RPTOR: variants seen among roughly 807,000 people sequenced by gnomAD.
RPTOR encodes the protein regulatory-associated protein of mTOR.
In RPTOR, 21 loss-of-function variants were observed where a neutral mutation model predicts 169.9. That is an observed-to-expected ratio of 0.12 (90% CI 0.09 to 0.18). RPTOR has a LOEUF of 0.18. RPTOR is among the 10% of genes least tolerant of loss of function. The pLI, the probability that RPTOR is intolerant of heterozygous loss-of-function variation, is 1.00. For synonymous variants in RPTOR, 732 were observed against 753.2 expected (o/e 0.97, Z 0.46); for missense variants, 1,133 against 1,855.9 (o/e 0.61, Z 7.16).
At chr17:80,872,357 C>G (rs1044782272) in intron 13 of RPTOR, among the ~76,000 whole-genome samples, 1 of 152,152 alleles carries the variant, frequency 6.6e-6, no homozygotes, top group African/African-American at 2.4e-5. Flanking sequence ...CGGGCAGATT[C>G]CAACACACCC....
chr17:80,741,437 G>T (rs924180694), intron 5 of RPTOR, among the ~76,000 whole-genome samples: 1 of 152,164 alleles, frequency 6.6e-6, no homozygotes, highest in African/African-American at 2.4e-5. Context: ...AGAGTGATTC[G>T]CTCTGGATCA....
At chr17:80,858,771 G>A (rs562042748) in intron 13 of RPTOR, among the ~76,000 whole-genome samples, 1 of 152,320 alleles carries the variant, frequency 6.6e-6, no homozygotes, top group East Asian at 1.9e-4. Context: ...AAGACATTTA[G>A]AGGAGGGCAG....
chr17:80,618,568 C>T (rs984812802), intron 1 of RPTOR, among the ~76,000 whole-genome samples: 2 of 152,030 alleles, frequency 1.3e-5, no homozygotes, highest in Non-Finnish European at 2.9e-5. Flanking sequence ...TCCCTGAGGC[C>T]GAAATTTTCC....
chr17:80,583,028 A>T (rs1381453802), intron 1 of RPTOR, among the ~76,000 whole-genome samples: 2 of 143,048 alleles, frequency 1.4e-5, no homozygotes. Flanking sequence ...CAATCCTCTC[A>T]CTTCAGCCTC....
intron 13 of RPTOR, among the ~76,000 whole-genome samples, chr17:80,876,113 G>T (rs1332283612): frequency 7.5e-6 from 1 of 133,712 alleles, no homozygotes; most frequent in Non-Finnish European, 1.6e-5. Flanking sequence ...CTTCCACCGA[G>T]CCCGTGCTGC....
Position 80,562,055 on chromosome 17 carries a change from GGAGTCTCTTGAGGGTAGGA to G in RPTOR, c.162+16266_162+16284del, listed in dbSNP as rs372837364. Among the ~76,000 whole-genome samples, 97 of 152,210 alleles carry G rather than the reference GGAGTCTCTTGAGGGTAGGA, an allele frequency of 6.4e-4. No homozygotes were observed. Among genetic ancestry groups the G allele is most frequent in the African/African-American group, 2.3e-3 (94 of 41,540 alleles). ...TAGGGAGGAGCATGGTGTGGGGTGG[GGAGTCTCTTGAGGGTAGGA>G]GGAGATGAGGGTCTGGTGGCGGCTT... On this transcript the variant is annotated intron_variant, in intron 1 of 33. Coordinates refer to ENST00000306801, the MANE Select transcript of RPTOR (RefSeq NM_020761.3). This position sits in a 1 kb window ranked among gnomAD's most constrained non-coding sequence, Gnocchi z 4.4.
intron 7 of RPTOR, among the ~76,000 whole-genome samples, chr17:80,792,550 G>T (rs548375381): frequency 6.6e-6 from 1 of 152,328 alleles, no homozygotes. Context: ...TAAGTGAGCA[G>T]TCCTCAGCAT....
intron 8 of RPTOR, 83 bp downstream of exon 8, chr17:80,822,384 G>A: frequency 7.4e-7 from 1 of 1,351,768 alleles, no homozygotes; most frequent in South Asian, 1.2e-5. Flanking sequence ...AGAGGAGTCA[G>A]ATAGGATCCG....
chr17:80,817,667 G>A (rs1337406041), intron 7 of RPTOR, among the ~76,000 whole-genome samples: 1 of 152,152 alleles, frequency 6.6e-6, no homozygotes, highest in Non-Finnish European at 1.5e-5. Context: ...GCACCCTTGG[G>A]AGAGTGACTG....
intron 11 of RPTOR, among the ~76,000 whole-genome samples, chr17:80,849,952 G>A (rs1259055356): frequency 6.6e-6 from 1 of 152,246 alleles, no homozygotes. Context: ...CCAGGCAGGG[G>A]AACGAAGAGC....
In RPTOR at chr17:80,823,103, A is replaced by G; in HGVS notation, c.1016A>G (p.Gln339Arg). ...PRDLFQKLFR[Q>R]DLLVASLFRN... is the part of the protein sequence containing the mutation. ...GATCTCTTCCAAAAGCTCTTCAGAC[A>G]GGACTTGCTGGTGGCTAGTCTGTTT... Residue 339 changes from glutamine (Q) to arginine (R), a missense_variant, in exon 9 of 34, where the codon CAG becomes CGG. Around this residue, in one of 9 missense-constraint regions of RPTOR, gnomAD observed 289 missense variants for 585.8 expected, o/e 0.49. Coordinates refer to ENST00000306801, the MANE Select transcript of RPTOR (RefSeq NM_020761.3). This position sits in a 1 kb window ranked among gnomAD's most constrained non-coding sequence, Gnocchi z 4.5. 6.2e-7 allele frequency: 1 copy of G among 1,614,214 alleles called. No homozygotes were observed.
At chr17:80,697,177 C>T (rs892890278) in intron 3 of RPTOR, among the ~76,000 whole-genome samples, 4 of 151,264 alleles carry the variant, frequency 2.6e-5, no homozygotes, top group East Asian at 2.0e-4. Flanking sequence ...GACATGGGGG[C>T]GGTCCCCCCA....
At chr17:80,758,092 A>T (rs893502265) in intron 6 of RPTOR, among the ~76,000 whole-genome samples, 1 of 152,198 alleles carries the variant, frequency 6.6e-6, no homozygotes, top group African/African-American at 2.4e-5. Context: ...TAAGAAGCAT[A>T]TTGCCCTCAA....
chr17:80,616,414 T>C (rs2065310663), intron 1 of RPTOR, among the ~76,000 whole-genome samples: 1 of 148,090 alleles, frequency 6.8e-6, no homozygotes, highest in South Asian at 2.1e-4. Flanking sequence ...CAATTCTGCC[T>C]CAGTCTCCCG....
chr17:80,901,835 C>T (rs2068480200), intron 20 of RPTOR, among the ~76,000 whole-genome samples: 1 of 151,854 alleles, frequency 6.6e-6, no homozygotes, highest in African/African-American at 2.4e-5. Flanking sequence ...CCCTGCTCTG[C>T]CTTCCCCAGA....
Position 80,609,142 on chromosome 17 carries a change from C to T in RPTOR, c.163-16549C>T, listed in dbSNP as rs545341546. 1.1e-4 allele frequency among the ~76,000 whole-genome samples: 16 copies of T among 152,262 alleles called. No individual in the cohort carries two copies. Among genetic ancestry groups the T allele is most frequent in the African/African-American group, 2.9e-4 (12 of 41,566 alleles). ...ACCCGTGTGGAGAGGGCATCACTAG[C>T]CTGCCTCGGGCTGCAGGGGGCGGGG... is the stretch of plus-strand genomic sequence containing the variant. On this transcript the variant is annotated intron_variant, in intron 1 of 33. Transcript: ENST00000306801. This position sits in a 1 kb window ranked among gnomAD's most constrained non-coding sequence, Gnocchi z 4.8.
chr17:80,872,139 A>G lies in RPTOR; in HGVS notation c.1510-8276A>G, dbSNP rs564982998. Among the ~76,000 whole-genome samples, 3 of 152,368 alleles carry G rather than the reference A, an allele frequency of 2.0e-5. No individual in the cohort carries two copies. In the East Asian group the frequency reaches 5.8e-4, roughly 29 times the overall value. On this transcript the variant is annotated intron_variant, in intron 13 of 33. Transcript: ENST00000306801. ...CGTTTGTGAAGCTGGCGTCTTCCAC[A>G]GAAGCTGTCATCAGCGAGGAGGGGC...
chr17:80,884,136 C>A (rs535999041), intron 16 of RPTOR, among the ~76,000 whole-genome samples, 164 bp downstream of exon 16: 1 of 152,340 alleles, frequency 6.6e-6, no homozygotes, highest in African/African-American at 2.4e-5. Context: ...AAGAGAACCA[C>A]ACCACTGGGG....
chr17:80,839,654 C>G (rs779188347), intron 10 of RPTOR, among the ~76,000 whole-genome samples: 10 of 152,224 alleles, frequency 6.6e-5, no homozygotes, highest in African/African-American at 1.2e-4. Flanking sequence ...GAGCTGCTTT[C>G]AGAGTGCCTG....
Sources: allele counts gnomAD v4.1 joint callset (sites outside exome capture counted in the v4.1 genomes callset), GRCh38; gene constraint gnomAD v4.1.1; regional missense constraint gnomAD v4.1.1; non-coding constraint Gnocchi (gnomAD v3.1); transcripts MANE v1.5; gene names NCBI Gene and HGNC (gene_info 2026-07-23, HGNC 2026-07-21).